Variants in SHANK2 observed in about 807,000 individuals in gnomAD.
SHANK2 encodes SH3 and multiple ankyrin repeat domains 2, also known as SH3 and multiple ankyrin repeat domains protein 2.
In SHANK2, 43 loss-of-function variants were observed where a neutral mutation model predicts 133.7. The observed-to-expected ratio is 0.32, with a 90% confidence interval of 0.25 to 0.41. The LOEUF (loss-of-function observed/expected upper bound fraction) is 0.41. SHANK2 is among the 10% of genes least tolerant of loss of function. The probability of loss-of-function intolerance (pLI) is 1.00; values close to 1 mark genes in which losing one functional copy is unlikely to be tolerated. For synonymous variants in SHANK2, 1,017 were observed against 952.8 expected, an observed-to-expected ratio of 1.07 and a Z score of -1.24; for missense variants, 1,994 against 2,235.8, an observed-to-expected ratio of 0.89 and a Z score of 2.18.
At chr11:70,602,989 C>T (rs1296437556) in intron 17 of SHANK2, among the ~76,000 whole-genome samples, 1 of 152,200 alleles carries the variant, frequency 6.6e-6, no homozygotes, top group African/African-American at 2.4e-5. Flanking sequence ...TGGCCCGTGG[C>T]AGAGGTCGGC....
chr11:70,588,846 C>G (rs10899213), intron 17 of SHANK2, among the ~76,000 whole-genome samples: 1 of 152,038 alleles, frequency 6.6e-6, no homozygotes, highest in South Asian at 2.1e-4. Context: ...GAGATGGAGT[C>G]GCGCTCTGTC....
chr11:71,135,596 C>T (rs1222111569), intron 3 of SHANK2, among the ~76,000 whole-genome samples: 5 of 150,660 alleles, frequency 3.3e-5, no homozygotes, highest in Admixed American at 6.6e-5. Context: ...AAGCAATTCT[C>T]GTGCCTCAGC....
chr11:70,605,807 G>A (rs961451977), intron 17 of SHANK2, among the ~76,000 whole-genome samples: 3 of 152,294 alleles, frequency 2.0e-5, no homozygotes, highest in East Asian at 1.9e-4. Flanking sequence ...GAAACTGCAC[G>A]GCAACAGGCC....
At chr11:70,609,199 C>T (rs1028986452) in intron 17 of SHANK2, among the ~76,000 whole-genome samples, 1 of 152,220 alleles carries the variant, frequency 6.6e-6, no homozygotes, top group African/African-American at 2.4e-5. Context: ...GGCAAGGCTC[C>T]GGGACGGCCC....
chr11:71,127,423 T>G (rs1236731569), intron 3 of SHANK2, among the ~76,000 whole-genome samples: 1 of 152,208 alleles, frequency 6.6e-6, no homozygotes, highest in Non-Finnish European at 1.5e-5. Flanking sequence ...CAAACAGCAT[T>G]GCATGCTACA....
At chr11:70,758,339 C>T (rs534393752) in intron 14 of SHANK2, among the ~76,000 whole-genome samples, 1 of 152,198 alleles carries the variant, frequency 6.6e-6, no homozygotes, top group African/African-American at 2.4e-5. Context: ...CTTTCGCTCG[C>T]CATCCACCAC....
In SHANK2 at chr11:70,615,086, A is replaced by C. The variant is rs1309231240; in HGVS notation, c.2061+44742T>G. On this transcript the variant is annotated intron_variant, in intron 17 of 25. Coordinates refer to ENST00000601538, the MANE Select transcript of SHANK2 (RefSeq NM_012309.5). ...TGCCATCTGCAATGCTTCATGGAAG[A>C]CATCTTCCGATGGCAGAGGGGGATC... 2.6e-5 allele frequency among the ~76,000 whole-genome samples: 4 copies of C among 152,358 alleles called. No individual in the cohort carries two copies. The East Asian group carries it at 7.7e-4, about 29-fold the overall frequency.
chr11:70,582,326 C>T lies in SHANK2; in HGVS notation c.2061+77502G>A, dbSNP rs552228680. 7.2e-5 allele frequency among the ~76,000 whole-genome samples: 11 copies of T among 152,344 alleles called. No homozygotes were observed. The South Asian group carries it at 2.1e-3, about 29-fold the overall frequency. On this transcript the variant is annotated intron_variant, in intron 17 of 25. Coordinates refer to ENST00000601538, the MANE Select transcript of SHANK2 (RefSeq NM_012309.5). ...AACTCTACTACTGCTGACTGAATGC[C>T]GTGGAGGCCGCCAGCCCCGGCCGGA... is the stretch of plus-strand genomic sequence containing the variant.
rs963154259 is a variant in SHANK2, at chr11:70,485,198, C to G, written c.4979+116G>C. The G allele has an allele frequency of 1.2e-6, 1 of 863,018 alleles. No individual in the cohort carries two copies. The highest frequency in any genetic ancestry group is 1.9e-6 in the Non-Finnish European group (1 of 522,796). The allele number at this position is 863,018 out of a possible 1,614,324, so 53.5% of individuals were successfully genotyped here. The stretch of plus-strand genomic sequence containing the variant: ...ACTGCATTAACAGACGTGGCCCACA[C>G]AGGCTTTACGAATTCCCCTCTTCGT... On this transcript the variant is annotated intron_variant, in intron 25 of 25. Coordinates refer to ENST00000601538, the MANE Select transcript of SHANK2 (RefSeq NM_012309.5). This position sits in a 1 kb window ranked among gnomAD's most constrained non-coding sequence, Gnocchi z 5.8.
At chr11:70,868,662 C>A (rs1028617295) in intron 11 of SHANK2, among the ~76,000 whole-genome samples, 2 of 152,330 alleles carry the variant, frequency 1.3e-5, no homozygotes, top group Middle Eastern at 3.4e-3. Flanking sequence ...TCACACCCCA[C>A]GGGGGCAGCC....
Position 71,113,340 on chromosome 11 carries a change from T to C in SHANK2, c.436A>G (p.Lys146Glu), listed in dbSNP as rs1471210445. 2.3e-5 allele frequency: 36 copies of C among 1,551,742 alleles called. No homozygotes were observed. Among genetic ancestry groups the C allele is most frequent in the Non-Finnish European group, 3.1e-5 (36 of 1,147,010 alleles). Residue 146 changes from lysine (K) to glutamate (E), a missense_variant, in exon 5 of 26, where the codon AAA (lysine) becomes GAA (glutamate). Physicochemically the swap from Lys to Glu is moderately conservative, Grantham distance 56 (BLOSUM62 1). Around this residue, in one of 5 missense-constraint regions of SHANK2, gnomAD observed 653 missense variants for 563.4 expected, o/e 1.16. Coordinates refer to ENST00000601538, the MANE Select transcript of SHANK2 (RefSeq NM_012309.5). The stretch of plus-strand genomic sequence containing the variant: ...TGTTTCTCATCGAGACTGGCTTGTT[T>C]ATACACCCGCTTCTTGTATCGAAAC... ...LEFRYKKRVY[K>E]QASLDEKQLA...
chr11:71,149,501 G>A (rs1952720852), intron 2 of SHANK2, among the ~76,000 whole-genome samples: 1 of 152,138 alleles, frequency 6.6e-6, no homozygotes, highest in South Asian at 2.1e-4. Flanking sequence ...CCAAGCTGTA[G>A]GCACTTTTTC....
chr11:71,249,391 C>T (rs1208340636), intron 1 of SHANK2, among the ~76,000 whole-genome samples: 2 of 152,210 alleles, frequency 1.3e-5, no homozygotes, highest in Non-Finnish European at 2.9e-5. Flanking sequence ...CTGGGGCTCA[C>T]AGTCCCAGTT....
At chr11:70,644,245 G>A (rs1265928983) in intron 17 of SHANK2, among the ~76,000 whole-genome samples, 1 of 152,160 alleles carries the variant, frequency 6.6e-6, no homozygotes, top group Non-Finnish European at 1.5e-5. Flanking sequence ...TACAGTGTGT[G>A]CAGCCATCAC....
chr11:70,563,537 C>G (rs1410916697), intron 17 of SHANK2, among the ~76,000 whole-genome samples: 1 of 66,222 alleles, frequency 1.5e-5, no homozygotes, highest in Non-Finnish European at 2.8e-5. Flanking sequence ...CATCTGTGGT[C>G]ACTTTTTTTT....
intron 15 of SHANK2, chr11:70,698,402 A>G (rs2134484254): frequency 5.9e-6 from 3 of 505,092 alleles, no homozygotes; most frequent in East Asian, 7.1e-5. Flanking sequence ...CACTGCCGTC[A>G]TCCTTGACAT....
chr11:70,537,873 C>T (rs543157300), intron 17 of SHANK2, among the ~76,000 whole-genome samples: 2 of 152,234 alleles, frequency 1.3e-5, no homozygotes, highest in Admixed American at 6.5e-5. Flanking sequence ...CACAGAGGCC[C>T]GTGGGGGGTC....
At chr11:70,670,219 TATAATCGC>T (rs1341457309) in intron 15 of SHANK2, among the ~76,000 whole-genome samples, 53 of 152,276 alleles carry the variant, frequency 3.5e-4, no homozygotes, top group African/African-American at 1.1e-3. Flanking sequence ...TCATTCCTGG[TATAATCGC>T]ATTTCAGTGG....
chr11:70,939,585 T>C (rs782187854), intron 10 of SHANK2, among the ~76,000 whole-genome samples: 5 of 152,202 alleles, frequency 3.3e-5, no homozygotes, highest in African/African-American at 4.8e-5. Context: ...AGGCCTCTCC[T>C]GAGCTTCGTT....
Sources: allele counts gnomAD v4.1 joint callset (sites outside exome capture counted in the v4.1 genomes callset), GRCh38; gene constraint gnomAD v4.1.1; regional missense constraint gnomAD v4.1.1; non-coding constraint Gnocchi (gnomAD v3.1); transcripts MANE v1.5; gene names NCBI Gene and HGNC (gene_info 2026-07-23, HGNC 2026-07-21).